BRD2: variants seen among roughly 807,000 people sequenced by gnomAD.
The protein encoded by BRD2 is bromodomain containing 2.
Under a neutral mutation model 79.1 loss-of-function variants are expected in BRD2, and 15 were observed. The ratio of observed to expected loss-of-function variants is 0.19; its 90% CI spans 0.13 to 0.29. The LOEUF (loss-of-function observed/expected upper bound fraction) is 0.29. BRD2 is among the 10% of genes least tolerant of loss of function. BRD2 has a pLI of 1.00. For synonymous variants in BRD2, 488 were observed against 358.6 expected, an observed-to-expected ratio of 1.36 and a Z score of -4.08; for missense variants, 1,053 against 991.3, an observed-to-expected ratio of 1.06 and a Z score of -0.84.
rs1429134559 is a variant in BRD2, at chr6:32,976,324, C to T, written c.685C>T (p.Pro229Ser). Reference sequence around the variant, plus strand: ...TGTGTCACACACAGCCCTGTATACTCCTCCACCTGAGATACCTACCACTGT... The same window carrying T: ...TGTGTCACACACAGCCCTGTATACTTCTCCACCTGAGATACCTACCACTGT... The part of the protein sequence containing the change: ...SSVSHTALYT[P>S]PPEIPTTVLN... The change falls in exon 6 of 13, where the codon CCT becomes TCT. Residue 229 changes from proline to serine, a missense_variant. By Grantham distance (74) the Pro-to-Ser change is moderately conservative. Coordinates refer to ENST00000374825, the MANE Select transcript of BRD2 (RefSeq NM_005104.4). The T allele has an allele frequency of 5.0e-6, 8 of 1,612,950 alleles. No homozygotes were observed. Among genetic ancestry groups the T allele is most frequent in the South Asian group, 2.2e-5 (2 of 91,084 alleles).
rs1778873953 is a variant in BRD2 at position 32,977,168 on chromosome 6, C to A, written c.1200+232C>A. 3 of 1,354,914 alleles carry A rather than the reference C, an allele frequency of 2.2e-6. No homozygotes were observed. In the Middle Eastern group the frequency reaches 5.4e-4, roughly 243 times the overall value. The allele number at this position is 1,354,914 out of a possible 1,614,324, so 83.9% of individuals were successfully genotyped here. ...GAAAAATACTGTCTATAATTAAGTA[C>A]TAATGTGGCAGTGTTGGGTTAAGGA... On this transcript the variant is annotated intron_variant, in intron 7 of 12. Coordinates refer to ENST00000374825, the MANE Select transcript of BRD2 (RefSeq NM_005104.4).
rs150342046 is a variant in BRD2 at position 32,980,202 on chromosome 6, A to G, written c.2146+70A>G. On this transcript the variant is annotated intron_variant, in intron 11 of 12. Coordinates refer to ENST00000374825, the MANE Select transcript of BRD2 (RefSeq NM_005104.4). ...AGGAAAGATGGTGGGGTCTGTTTGC[A>G]TTCAGGATTGTCAGCTCCCAGGATA... The G allele has an allele frequency of 2.5e-3, 3,962 of 1,576,098 alleles. 4 individuals carry two copies. Among genetic ancestry groups the G allele is most frequent in the Non-Finnish European group, 3.1e-3 (3,561 of 1,162,592 alleles).
At chr6:32,980,212 G>C (rs936925535) in intron 11 of BRD2, 80 bp downstream of exon 11, 4 of 1,573,798 alleles carry the variant, frequency 2.5e-6, no homozygotes, top group South Asian at 1.2e-5. Flanking sequence ...ATTCAGGATT[G>C]TCAGCTCCCA....
chr6:32,972,522 A>C lies in BRD2; in HGVS notation c.-377A>C. ...CGCCTCCATCCGAGATCGAAACGGG[A>C]CCTCGTCGGCCCCGTAGGGGCCCGA... On this transcript the variant is annotated 5_prime_UTR_variant, in exon 2 of 13. Coordinates refer to ENST00000374825, the MANE Select transcript of BRD2 (RefSeq NM_005104.4). 1 of 344,116 alleles carries C rather than the reference A, an allele frequency of 2.9e-6. No individual in the cohort carries two copies. The highest frequency in any genetic ancestry group is 5.4e-6 in the Non-Finnish European group (1 of 185,852). The allele number at this position is 344,116 out of a possible 1,614,324, so 21.3% of individuals were successfully genotyped here.
chr6:32,972,793 C>G lies in BRD2; in HGVS notation c.-106C>G. On this transcript the variant is annotated 5_prime_UTR_variant, in exon 2 of 13. Coordinates refer to ENST00000374825, the MANE Select transcript of BRD2 (RefSeq NM_005104.4). ...TTGTCGCCTGGAGGCCCAAGAGGAA[C>G]GGCCTCCCCCCAACTTAGCGGGTTA... 2 of 1,546,900 alleles carry G rather than the reference C, an allele frequency of 1.3e-6. No homozygotes were observed. Among genetic ancestry groups the G allele is most frequent in the Non-Finnish European group, 1.8e-6 (2 of 1,127,366 alleles).
At chr6:32,975,586 A>G in intron 4 of BRD2, 65 bp downstream of exon 4, 1 of 1,576,904 alleles carries the variant, frequency 6.3e-7, no homozygotes, top group African/African-American at 1.4e-5. Flanking sequence ...ATTGCTGGAT[A>G]TGTTGTCTAC....
intron 2 of BRD2, 192 bp downstream of exon 2, chr6:32,973,119 G>T: frequency 6.4e-7 from 1 of 1,552,952 alleles, no homozygotes; most frequent in Non-Finnish European, 8.7e-7. Flanking sequence ...TGCTCGTGGA[G>T]GGGAATACAG....
At position 32,972,244 on chromosome 6, in the gene BRD2, T is replaced by C. The variant is rs1044578566; in HGVS notation, c.-655T>C. On this transcript the variant is annotated 5_prime_UTR_variant, in exon 2 of 13. Transcript: ENST00000374825. Reference sequence around the variant, plus strand: ...GCAGCCTCTAGAACGAGCTGGAGGATTCTGCCTACCGATACAGAGCCTTCG... The same window carrying C: ...GCAGCCTCTAGAACGAGCTGGAGGACTCTGCCTACCGATACAGAGCCTTCG... The C allele has an allele frequency of 8.4e-6, 4 of 475,544 alleles. No homozygotes were observed. Among genetic ancestry groups the C allele is most frequent in the Non-Finnish European group, 1.6e-5 (4 of 257,020 alleles). 29.5% of individuals were successfully genotyped at this position (475,544 alleles called of 1,614,324 possible).
chr6:32,975,938 GCCTAGGGCCTGAATGCCT>G, intron 4 of BRD2, 75 bp from the exon 5 acceptor site: 1 of 1,412,576 alleles, frequency 7.1e-7, no homozygotes, highest in Non-Finnish European at 9.6e-7. Flanking sequence ...TATGGTAATG[GCCTAGGGCCTGAATGCCT>G]CTGAGAAAGA....
At position 32,972,087 on chromosome 6, in the gene BRD2, A is replaced by AGCGC. The variant is rs768253220; in HGVS notation, c.-802_-799dup. On this transcript the variant is annotated 5_prime_UTR_variant, in exon 2 of 13. The change abolishes the stop of an existing upstream ORF in the 5' untranslated region. Coordinates refer to ENST00000374825, the MANE Select transcript of BRD2 (RefSeq NM_005104.4). ...CTCAGCTTCTTCACCCGCGTGAGCG[A>AGCGC]GCGCGCGCGCGCGGAGGGGGTGGGG... 1.6e-5 allele frequency: 11 copies of AGCGC among 670,494 alleles called. No individual in the cohort carries two copies. Among genetic ancestry groups the AGCGC allele is most frequent in the South Asian group, 6.2e-5 (4 of 64,242 alleles). The allele number at this position is 670,494 out of a possible 1,614,324, so 41.5% of individuals were successfully genotyped here.
chr6:32,974,258 T>C (rs971827123), intron 2 of BRD2, among the ~76,000 whole-genome samples: 1 of 152,216 alleles, frequency 6.6e-6, no homozygotes, highest in Non-Finnish European at 1.5e-5. Context: ...ATCTAGATAG[T>C]ATACTAAAAA....
chr6:32,976,813 G>A lies in BRD2; in HGVS notation c.1077G>A (p.Glu359=), dbSNP rs747027843. The change falls in exon 7 of 13, where the codon GAG becomes GAA. Residue 359 remains glutamate (E), a synonymous_variant. Transcript: ENST00000374825. ...AACATTGCAATGGCATTTTGAAGGA[G>A]TTACTCTCTAAGAAGCATGCTGCCT... ...QLKHCNGILK[E]LLSKKHAAYA... is the part of the protein sequence containing the mutation. The A allele has an allele frequency of 1.6e-5, 26 of 1,613,122 alleles. No homozygotes were observed. The highest frequency in any genetic ancestry group is 2.1e-5 in the Non-Finnish European group (25 of 1,180,020).
intron 10 of BRD2, 186 bp downstream of exon 10, chr6:32,978,574 T>G (rs1779087334): frequency 1.1e-6 from 1 of 938,706 alleles, no homozygotes; most frequent in African/African-American, 1.7e-5. Flanking sequence ...ACAGACAGGG[T>G]TTGAGGGGAT....
intron 1 of BRD2, 137 bp downstream of exon 1, chr6:32,969,193 A>C: frequency 2.3e-6 from 1 of 439,078 alleles, no homozygotes; most frequent in Non-Finnish European, 4.4e-6. Flanking sequence ...TTTTACAGCC[A>C]ATGGGAGCGT....
chr6:32,969,222 AGAGGG>A, intron 1 of BRD2, 166 bp downstream of exon 1: 1 of 338,186 alleles, frequency 3.0e-6, no homozygotes, highest in Non-Finnish European at 5.9e-6. Context: ...GGCGAGCGGG[AGAGGG>A]CCATGGGGGG....
At position 32,971,998 on chromosome 6, in the gene BRD2, G is replaced by C; in HGVS notation, c.-901G>C. ...CTGACACCTTGGAAATGAAGTTTAT[G>C]ACGTCATCGTTGCGGCTGGCCAATA... On this transcript the variant is annotated 5_prime_UTR_variant, in exon 2 of 13. It removes an upstream start codon present in the reference 5' UTR. Coordinates refer to ENST00000374825, the MANE Select transcript of BRD2 (RefSeq NM_005104.4). 1 of 702,654 alleles carries C rather than the reference G, an allele frequency of 1.4e-6. No homozygotes were observed. The highest frequency in any genetic ancestry group is 1.5e-5 in the South Asian group (1 of 67,400). 43.5% of individuals were successfully genotyped at this position (702,654 alleles called of 1,614,324 possible).
At chr6:32,973,015 G>T in intron 2 of BRD2, 88 bp downstream of exon 2, 1 of 1,612,954 alleles carries the variant, frequency 6.2e-7, no homozygotes, top group South Asian at 1.1e-5. Context: ...GTACTGAGCG[G>T]CCCCGGCGCG....
At chr6:32,975,986 G>T (rs1385250751) in intron 4 of BRD2, 45 bp from the exon 5 acceptor site, 1 of 1,564,886 alleles carries the variant, frequency 6.4e-7, no homozygotes, top group African/African-American at 1.4e-5. Flanking sequence ...TCTATCTTCT[G>T]TTGGCATTTT....
chr6:32,976,190 G>T (rs1778723382), intron 5 of BRD2, 21 bp downstream of exon 5: 1 of 1,580,930 alleles, frequency 6.3e-7, no homozygotes. Context: ...TGGGAGTTTT[G>T]CAAATGGACA....
Sources: allele counts gnomAD v4.1 joint callset (sites outside exome capture counted in the v4.1 genomes callset), GRCh38; gene constraint gnomAD v4.1.1; transcripts MANE v1.5; gene names NCBI Gene and HGNC (gene_info 2026-07-23, HGNC 2026-07-21).